The following ARAP2 variants were observed in gnomAD, a reference collection of about 807,000 sequenced individuals.
ARAP2 encodes the protein ArfGAP with RhoGAP domain, ankyrin repeat and PH domain 2, also known as arf-GAP with Rho-GAP domain, ANK repeat and PH domain-containing protein 2.
ARAP2 carries 148 observed loss-of-function variants against 194.5 expected under a neutral mutation model. The observed-to-expected ratio is 0.76, with a 90% CI of 0.67 to 0.87. The LOEUF is 0.87. Among genes scored for constraint, ARAP2 ranks in the 40% least tolerant of loss-of-function variants. ARAP2 has a pLI of 0.00. For synonymous variants in ARAP2, 695 were observed against 683.5 expected, an observed-to-expected ratio of 1.02 and a Z score of -0.26; for missense variants, 2,128 against 1,989.7, an observed-to-expected ratio of 1.07 and a Z score of -1.32.
At chr4:36,010,358 C>A (rs1053078658) in intron 9 of ARAP2, among the ~76,000 whole-genome samples, 1 of 151,960 alleles carries the variant, frequency 6.6e-6, no homozygotes, top group Non-Finnish European at 1.5e-5. Flanking sequence ...CTTGCTAATT[C>A]TATACAACGG....
At position 36,244,175 on chromosome 4, in the gene ARAP2, T is replaced by C. The variant is rs973323879; in HGVS notation, c.-160+4A>G. 6.6e-6 allele frequency: 1 copy of C among 151,872 alleles called. No homozygotes were observed. Among genetic ancestry groups the C allele is most frequent in the Admixed American group, 6.6e-5 (1 of 15,262 alleles). The allele number at this position is 151,872 out of a possible 1,614,324, so 9.4% of individuals were successfully genotyped here. A position where few individuals can be genotyped will look rare whatever the true frequency, so the allele number is the denominator to read the frequency against. On this transcript the variant is annotated splice_donor_region_variant and intron_variant, in intron 1 of 32. Coordinates refer to ENST00000303965, the MANE Select transcript of ARAP2 (RefSeq NM_015230.4). ...CCAGCCTTCCCGAGGCCCCGGGTAC[T>C]CGCCTTGCGCTCGGGTCGCGGAGTT...
intron 19 of ARAP2, among the ~76,000 whole-genome samples, chr4:36,146,114 G>T (rs1729571189): frequency 6.6e-6 from 1 of 151,914 alleles, no homozygotes; most frequent in African/African-American, 2.4e-5. Flanking sequence ...TTCAGTAATT[G>T]TTCAGGTCAA....
chr4:36,178,143 T>A, intron 8 of ARAP2, 138 bp from the exon 9 acceptor site: 1 of 704,868 alleles, frequency 1.4e-6, no homozygotes, highest in Non-Finnish European at 2.2e-6. Context: ...AATGCTACTG[T>A]AAACAGAGCC....
At chr4:36,065,447 G>A (rs935147440), downstream of ARAP2, 29 of 424,792 alleles carry the variant, frequency 6.8e-5, no homozygotes, top group African/African-American at 5.6e-4. Context: ...TTTGCCCAGT[G>A]TATTCACTAT....
At chr4:36,156,389 GAGAAAGAAAGAAAGAAAGAA>G (rs1190805215) in intron 15 of ARAP2, among the ~76,000 whole-genome samples, 1 of 12,584 alleles carries the variant, frequency 7.9e-5, no homozygotes, top group Non-Finnish European at 1.4e-4. Flanking sequence ...AAGAGAGAGA[GAGAAAGAAAGAAAGAAAGAA>G]AGAAAGAAAG....
At chr4:36,197,987 C>T (rs1210674520) in intron 6 of ARAP2, among the ~76,000 whole-genome samples, 3 of 152,140 alleles carry the variant, frequency 2.0e-5, no homozygotes, top group Admixed American at 6.5e-5. Context: ...GATGAGAAGG[C>T]GAAGTGTTTC....
chr4:36,023,300 T>C (rs1331835337), intron 5 of ARAP2, among the ~76,000 whole-genome samples: 1 of 152,174 alleles, frequency 6.6e-6, no homozygotes, highest in Non-Finnish European at 1.5e-5. Context: ...ATCATTTGCT[T>C]GTATAGCAGA....
At chr4:36,171,076 C>G (rs895580404) in intron 9 of ARAP2, among the ~76,000 whole-genome samples, 1 of 152,154 alleles carries the variant, frequency 6.6e-6, no homozygotes, top group Non-Finnish European at 1.5e-5. Flanking sequence ...GTTTATTATT[C>G]AGGTATTCCT....
Position 36,203,279 on chromosome 4 carries a change from T to C in ARAP2, c.1487+7111A>G, listed in dbSNP as rs548807150. ...AATACTCAAAGTCCACTTTCCCACA[T>C]GAGCCACCCAAAAACTGGTTACCAG... On this transcript the variant is annotated intron_variant, in intron 6 of 32. Transcript: ENST00000303965. Among the ~76,000 whole-genome samples, 14 of 152,216 alleles carry C rather than the reference T, an allele frequency of 9.2e-5. No individual in the cohort carries two copies. In the South Asian group the frequency reaches 2.7e-3, roughly 29 times the overall value.
At chr4:36,178,045 T>C (rs376646938) in intron 8 of ARAP2, 40 bp from the exon 9 acceptor site, 3 of 1,525,970 alleles carry the variant, frequency 2.0e-6, no homozygotes, top group African/African-American at 2.8e-5. Flanking sequence ...AATCCACATA[T>C]AAGTTACATA....
intron 1 of ARAP2, among the ~76,000 whole-genome samples, chr4:36,059,191 C>T (rs1339162997): frequency 6.6e-6 from 1 of 152,010 alleles, no homozygotes; most frequent in Non-Finnish European, 1.5e-5. Flanking sequence ...TTCATAAATG[C>T]AACATGACAT....
In ARAP2 at chr4:36,160,579, A is replaced by T. The variant is rs1446590258; in HGVS notation, c.2322T>A (p.Asp774Glu). The change falls in exon 13 of 33, where the codon GAT (aspartate) becomes GAA (glutamate). Residue 774 changes from aspartate (D) to glutamate (E), a missense_variant. Transcript: ENST00000303965. ...NDFWAGNLQK[D>E]EELHMDSPVE... ...CTGGTGAGTCCATATGTAATTCTTC[A>T]TCCTTTTGAAGATTACCAGCCCAAA... The T allele has an allele frequency of 6.5e-7, 1 of 1,538,290 alleles. No homozygotes were observed. Among genetic ancestry groups the T allele is most frequent in the Non-Finnish European group, 8.7e-7 (1 of 1,152,674 alleles).
At chr4:36,190,820 A>G (rs77704190) in intron 7 of ARAP2, among the ~76,000 whole-genome samples, 3 of 152,356 alleles carry the variant, frequency 2.0e-5, no homozygotes, top group East Asian at 3.9e-4. Context: ...GACATGCTCC[A>G]GTTTCCCATA....
intron 27 of ARAP2, among the ~76,000 whole-genome samples, chr4:36,106,843 T>C (rs2109462173): frequency 6.6e-6 from 1 of 152,086 alleles, no homozygotes; most frequent in Non-Finnish European, 1.5e-5. Context: ...TAATAATGGT[T>C]ATTATTTATA....
intron 27 of ARAP2, among the ~76,000 whole-genome samples, chr4:36,105,065 A>C (rs1249474746): frequency 6.6e-6 from 1 of 152,020 alleles, no homozygotes; most frequent in Non-Finnish European, 1.5e-5. Flanking sequence ...ACTCCAAAGA[A>C]TATTTCATCC....
intron 20 of ARAP2, among the ~76,000 whole-genome samples, chr4:36,129,550 C>T (rs904576842): frequency 1.1e-4 from 17 of 151,938 alleles, no homozygotes; most frequent in South Asian, 2.1e-4. Flanking sequence ...ACATTCTGAA[C>T]GAATCCCTGT....
chr4:36,098,760 T>C (rs1167373352), intron 27 of ARAP2, among the ~76,000 whole-genome samples: 1 of 152,074 alleles, frequency 6.6e-6, no homozygotes, highest in Non-Finnish European at 1.5e-5. Context: ...TGGACCTAAC[T>C]CATCCATGAA....
intron 20 of ARAP2, 86 bp downstream of exon 20, chr4:36,133,140 C>T (rs1725823414): frequency 7.4e-7 from 1 of 1,347,284 alleles, no homozygotes; most frequent in Non-Finnish European, 1.0e-6. Flanking sequence ...AGGGTTTTAA[C>T]TCAGTCCAAT....
At chr4:36,072,903 G>C (rs1218150577) in intron 32 of ARAP2, among the ~76,000 whole-genome samples, 1 of 152,046 alleles carries the variant, frequency 6.6e-6, no homozygotes, top group East Asian at 1.9e-4. Flanking sequence ...CTGATCACTA[G>C]GTTAAAATGG....
Sources: allele counts gnomAD v4.1 joint callset (sites outside exome capture counted in the v4.1 genomes callset), GRCh38; gene constraint gnomAD v4.1.1; transcripts MANE v1.5; gene names NCBI Gene and HGNC (gene_info 2026-07-23, HGNC 2026-07-21).